YLPM1: variants seen among roughly 807,000 people sequenced by gnomAD.
YLPM1 encodes the protein YLP motif containing 1.
Under a neutral mutation model 230.0 loss-of-function variants are expected in YLPM1, and 99 were observed. The observed-to-expected ratio is 0.43, with a 90% CI of 0.37 to 0.51. The LOEUF (loss-of-function observed/expected upper bound fraction) is 0.51, where lower values mean the gene tolerates loss of function less well. Among genes scored for constraint, YLPM1 ranks in the 20% least tolerant of loss-of-function variants. The pLI is 0.00. For missense variants in YLPM1, 2,592 were observed against 2,707.7 expected (o/e 0.96, Z 0.95); for synonymous variants, 984 against 942.5 (o/e 1.04, Z -0.81).
At chr14:74,781,042 A>G (rs577661652) in intron 3 of YLPM1, among the ~76,000 whole-genome samples, 2 of 152,194 alleles carry the variant, frequency 1.3e-5, no homozygotes, top group Non-Finnish European at 2.9e-5. Context: ...ATCATTTTTC[A>G]AGTTCTTGAA....
At chr14:74,770,406 T>C (rs1427412040) in intron 1 of YLPM1, among the ~76,000 whole-genome samples, 1 of 151,544 alleles carries the variant, frequency 6.6e-6, no homozygotes, top group African/African-American at 2.4e-5. Context: ...GGCGGATCAC[T>C]TGAAGTCAGG....
At chr14:74,765,152 C>T (rs1566733687) in intron 1 of YLPM1, among the ~76,000 whole-genome samples, 1 of 152,094 alleles carries the variant, frequency 6.6e-6, no homozygotes, top group Non-Finnish European at 1.5e-5. Flanking sequence ...ATTCTTATCC[C>T]GCAGAACAGA....
intron 1 of YLPM1, among the ~76,000 whole-genome samples, chr14:74,776,661 A>T (rs1383784820): frequency 1.3e-5 from 2 of 152,224 alleles, no homozygotes; most frequent in Admixed American, 6.5e-5. Flanking sequence ...CTTGCACTTC[A>T]TCTCGGCTGG....
chr14:74,803,303 C>T (rs1365092140), intron 6 of YLPM1, among the ~76,000 whole-genome samples: 1 of 152,046 alleles, frequency 6.6e-6, no homozygotes, highest in Non-Finnish European at 1.5e-5. Flanking sequence ...CAAGAGCATG[C>T]CAGGACTTCT....
At chr14:74,768,241 A>C (rs1174695889) in intron 1 of YLPM1, among the ~76,000 whole-genome samples, 5 of 151,010 alleles carry the variant, frequency 3.3e-5, no homozygotes, top group Non-Finnish European at 7.4e-5. Flanking sequence ...GATTTAATGG[A>C]ATGTGTTTTT....
At chr14:74,830,746 G>A (rs774584803) in intron 19 of YLPM1, among the ~76,000 whole-genome samples, 7 of 152,120 alleles carry the variant, frequency 4.6e-5, no homozygotes, top group Non-Finnish European at 7.4e-5. Flanking sequence ...GTGACGTGGC[G>A]AGAGAGGAAC....
At chr14:74,833,776 A>T (rs1318813171) in intron 19 of YLPM1, among the ~76,000 whole-genome samples, 3 of 152,192 alleles carry the variant, frequency 2.0e-5, no homozygotes, top group Admixed American at 2.0e-4. Flanking sequence ...TGACCAGGTG[A>T]TACTGTTAAA....
chr14:74,781,331 T>C lies in YLPM1; in HGVS notation c.1291-3T>C. 6.5e-7 allele frequency: 1 copy of C among 1,537,286 alleles called. No individual in the cohort carries two copies. Among genetic ancestry groups the C allele is most frequent in the South Asian group, 1.2e-5 (1 of 80,938 alleles). ...TAAATAGTTTTTATCCCTTTATTTG[T>C]AGACCATGTCTGTAGATATGCAGCT... On this transcript the variant is annotated splice_region_variant and splice_polypyrimidine_tract_variant and intron_variant, in intron 3 of 20. Transcript: ENST00000325680.
At chr14:74,811,405 C>T (rs574146368) in intron 9 of YLPM1, among the ~76,000 whole-genome samples, 19 of 152,020 alleles carry the variant, frequency 1.2e-4, no homozygotes, top group African/African-American at 4.6e-4. Context: ...ATTGCTTGAA[C>T]ACTGGAGATC....
In YLPM1 at chr14:74,780,463, G is replaced by GGCAGCAGCACCA. The variant is rs1466685431; in HGVS notation, c.1176_1187dup (p.Gln392_Gln395dup). On this transcript the variant is annotated inframe_insertion, in exon 3 of 21. Transcript: ENST00000325680. ...CAGTTGCAGGCTGCAGCAGCACACT[G>GGCAGCAGCACCA]GCAGCAGCACCAGCAGCATCGAGTC... 1 of 1,613,924 alleles carries GGCAGCAGCACCA rather than the reference G, an allele frequency of 6.2e-7. No individual in the cohort carries two copies. The highest frequency in any genetic ancestry group is 1.7e-5 in the Admixed American group (1 of 60,006).
At chr14:74,804,510 C>T (rs1283282904) in intron 6 of YLPM1, among the ~76,000 whole-genome samples, 2 of 152,210 alleles carry the variant, frequency 1.3e-5, no homozygotes, top group African/African-American at 4.8e-5. Context: ...CTTCTTCATT[C>T]CTTTGCGTAT....
At chr14:74,822,722 G>GTAA (rs1253917589) in intron 17 of YLPM1, among the ~76,000 whole-genome samples, 1 of 152,112 alleles carries the variant, frequency 6.6e-6, no homozygotes, top group African/African-American at 2.4e-5. Flanking sequence ...TGTTAACCAA[G>GTAA]GGTTAAGAGC....
Position 74,781,827 on chromosome 14 carries a change from C to T in YLPM1, c.1784C>T (p.Ser595Phe), listed in dbSNP as rs1417725271. ...CCACCACCAGTTCTCCCCCCACCTT[C>T]CCTGTCTTCTGCAGGGCCACCACCA... is the stretch of plus-strand genomic sequence containing the variant. Reference protein sequence around the residue: ...AGPPPVLPPPSLSSAGPPPVL... With the variant: ...AGPPPVLPPPFLSSAGPPPVL... Residue 595 changes from serine (S) to phenylalanine (F), a missense_variant, in exon 4 of 21, where the codon TCC (serine) becomes TTC (phenylalanine). By Grantham distance (155) the Ser-to-Phe change is radical. Coordinates refer to ENST00000325680, the MANE Select transcript of YLPM1 (RefSeq NM_019589.3). 6.2e-7 allele frequency: 1 copy of T among 1,612,220 alleles called. No homozygotes were observed. Among genetic ancestry groups the T allele is most frequent in the African/African-American group, 1.3e-5 (1 of 74,686 alleles).
chr14:74,798,821 A>G lies in YLPM1; in HGVS notation c.3524A>G (p.Asp1175Gly), dbSNP rs2091292513. The G allele has an allele frequency of 2.5e-6, 4 of 1,613,848 alleles. No homozygotes were observed. The highest frequency in any genetic ancestry group is 3.4e-6 in the Non-Finnish European group (4 of 1,179,854). The change falls in exon 5 of 21, where the codon GAT (aspartate) becomes GGT (glycine). Residue 1175 changes from aspartate to glycine, a missense_variant. Physicochemically the swap from Asp to Gly is moderately conservative, Grantham distance 94 (BLOSUM62 -1). Around this residue, in one of 4 missense-constraint regions of YLPM1, gnomAD observed 1,862 missense variants for 1,819.8 expected, o/e 1.02. Transcript: ENST00000325680. Reference protein sequence around the residue: ...DRGPFRPEPGDGGEKMYPYHR... With the variant: ...DRGPFRPEPGGGGEKMYPYHR... ...GGTCCATTCAGACCAGAACCAGGAGATGGTGGGGAAAAAATGTATCCATAT... is the reference window on the plus strand; with the variant it reads ...GGTCCATTCAGACCAGAACCAGGAGGTGGTGGGGAAAAAATGTATCCATAT...
intron 1 of YLPM1, among the ~76,000 whole-genome samples, chr14:74,772,866 G>A (rs999983783): frequency 1.3e-5 from 2 of 152,112 alleles, no homozygotes; most frequent in African/African-American, 4.8e-5. Flanking sequence ...TTCTCTTAGG[G>A]TCAGTAAGGA....
intron 18 of YLPM1, among the ~76,000 whole-genome samples, chr14:74,825,001 G>A (rs1394568722): frequency 6.6e-6 from 1 of 151,954 alleles, no homozygotes; most frequent in African/African-American, 2.4e-5. Flanking sequence ...GTTTTACTTC[G>A]CTTAAAGAGA....
intron 10 of YLPM1, 79 bp from the exon 11 acceptor site, chr14:74,812,549 C>A: frequency 6.9e-7 from 1 of 1,440,510 alleles, no homozygotes; most frequent in Non-Finnish European, 9.3e-7. Flanking sequence ...ATTATATTAC[C>A]TTAGGATGTG....
chr14:74,798,542 G>A lies in YLPM1; in HGVS notation c.3245G>A (p.Gly1082Glu), dbSNP rs1219994837. ...MNRGEGSRDR[G>E]LVRPGSSREK... The stretch of plus-strand genomic sequence containing the variant: ...AGAGGAGAAGGTAGCCGGGACAGAG[G>A]GTTGGTGAGGCCTGGAAGCAGTCGG... Residue 1082 changes from glycine (G) to glutamate (E), a missense_variant, in exon 5 of 21, where the codon GGG becomes GAG. Around this residue, in one of 4 missense-constraint regions of YLPM1, gnomAD observed 1,862 missense variants for 1,819.8 expected, o/e 1.02. Coordinates refer to ENST00000325680, the MANE Select transcript of YLPM1 (RefSeq NM_019589.3). 6.2e-7 allele frequency: 1 copy of A among 1,613,952 alleles called. No homozygotes were observed. Among genetic ancestry groups the A allele is most frequent in the South Asian group, 1.1e-5 (1 of 91,078 alleles).
chr14:74,770,961 G>A (rs2090971763), intron 1 of YLPM1, among the ~76,000 whole-genome samples: 1 of 152,228 alleles, frequency 6.6e-6, no homozygotes, highest in African/African-American at 2.4e-5. Context: ...GAGATGGAGA[G>A]AAGTGGGAAG....
Sources: gnomAD v4.1 joint callset for allele counts (sites outside exome capture counted in the v4.1 genomes callset) on GRCh38, gnomAD v4.1.1 for gene constraint, gnomAD v4.1.1 regional missense constraint, MANE v1.5 for transcripts, NCBI Gene and HGNC (gene_info 2026-07-23, HGNC 2026-07-21) for gene names.